The following PPP2R5E variants were observed in gnomAD, a reference collection of about 807,000 sequenced individuals.
The protein encoded by PPP2R5E is protein phosphatase 2 regulatory subunit B'epsilon, also known as serine/threonine-protein phosphatase 2A 56 kDa regulatory subunit epsilon isoform.
A neutral mutation model predicts 65.3 loss-of-function variants in PPP2R5E; 4 were observed. The ratio of observed to expected loss-of-function variants is 0.06; its 90% CI spans 0.03 to 0.14. The LOEUF (loss-of-function observed/expected upper bound fraction) is 0.14, where lower values mean the gene tolerates loss of function less well. Ranked by LOEUF, PPP2R5E falls within the 10% of genes least tolerant of loss-of-function variation. PPP2R5E has a pLI of 1.00. For missense variants in PPP2R5E, 274 were observed against 556.1 expected (o/e 0.49, Z 5.10); for synonymous variants, 183 against 187.4 (o/e 0.98, Z 0.19).
At chr14:63,523,441 T>G (rs991687819) in intron 2 of PPP2R5E, among the ~76,000 whole-genome samples, 1 of 152,144 alleles carries the variant, frequency 6.6e-6, no homozygotes, top group African/African-American at 2.4e-5. Context: ...ACATGTGCTG[T>G]GTCCACTCAA....
At chr14:63,520,482 AT>A (rs1892856051) in intron 2 of PPP2R5E, among the ~76,000 whole-genome samples, 1 of 152,196 alleles carries the variant, frequency 6.6e-6, no homozygotes, top group Non-Finnish European at 1.5e-5. Flanking sequence ...GGTGATTAAT[AT>A]CTATCTCTCC....
intron 2 of PPP2R5E, among the ~76,000 whole-genome samples, chr14:63,489,577 T>C (rs1891186899): frequency 6.6e-6 from 1 of 151,890 alleles, no homozygotes; most frequent in Non-Finnish European, 1.5e-5. Context: ...GTCCAGCCAA[T>C]TTTTGTATTT....
At chr14:63,399,959 G>C (rs74060072) in intron 5 of PPP2R5E, among the ~76,000 whole-genome samples, 2 of 151,966 alleles carry the variant, frequency 1.3e-5, no homozygotes, top group Non-Finnish European at 2.9e-5. Flanking sequence ...GCTTTTGTTC[G>C]GTGTTTTAAT....
chr14:63,489,819 C>A (rs1891198639), intron 2 of PPP2R5E, among the ~76,000 whole-genome samples: 2 of 152,162 alleles, frequency 1.3e-5, no homozygotes, highest in Admixed American at 1.3e-4. Flanking sequence ...TTCCTTTTCT[C>A]TGAGTGATGC....
chr14:63,522,135 G>C (rs1046804781), intron 2 of PPP2R5E, among the ~76,000 whole-genome samples: 42 of 151,824 alleles, frequency 2.8e-4, no homozygotes, highest in African/African-American at 3.6e-4. Flanking sequence ...TGGTGGAGAC[G>C]GGGTTTCGCT....
At chr14:63,542,523 G>A (rs1893942204) in intron 1 of PPP2R5E, among the ~76,000 whole-genome samples, 1 of 152,156 alleles carries the variant, frequency 6.6e-6, no homozygotes. Flanking sequence ...GGATAAAGGG[G>A]GGCAAGAAAA....
At chr14:63,417,481 A>G (rs906273699) in intron 4 of PPP2R5E, among the ~76,000 whole-genome samples, 4 of 140,266 alleles carry the variant, frequency 2.9e-5, no homozygotes, top group African/African-American at 9.1e-5. Context: ...ATGATGTTTC[A>G]TGAGGAGGAA....
chr14:63,516,760 T>G (rs917566096), intron 2 of PPP2R5E, among the ~76,000 whole-genome samples: 1 of 152,188 alleles, frequency 6.6e-6, no homozygotes, highest in Non-Finnish European at 1.5e-5. Context: ...GTGAACACAA[T>G]GCTTTCACAT....
At chr14:63,428,825 T>C (rs1320560237) in intron 3 of PPP2R5E, among the ~76,000 whole-genome samples, 2 of 152,238 alleles carry the variant, frequency 1.3e-5, no homozygotes, top group East Asian at 1.9e-4. Flanking sequence ...TATTTCTAAA[T>C]AGTTATTTAA....
At position 63,372,244 on chromosome 14, in the gene PPP2R5E, C is replaced by T. The variant is rs1337084519; in HGVS notation, c.*3765G>A. The stretch of plus-strand genomic sequence containing the variant: ...CACAAATTAACATTCCGCTAGATCA[C>T]AATTTGCTCAACTTTCTCTCAAGAT... On this transcript the variant is annotated 3_prime_UTR_variant, in exon 14 of 14. Transcript: ENST00000337537. 1 of 152,126 alleles carries T rather than the reference C, an allele frequency of 6.6e-6. No homozygotes were observed. Among genetic ancestry groups the T allele is most frequent in the Admixed American group, 6.5e-5 (1 of 15,268 alleles). The allele number at this position is 152,126 out of a possible 1,614,324, so 9.4% of individuals were successfully genotyped here. A position where few individuals can be genotyped will look rare whatever the true frequency, so the allele number is the denominator to read the frequency against.
At chr14:63,396,801 C>G in intron 5 of PPP2R5E, 85 bp from the exon 6 acceptor site, 1 of 1,511,810 alleles carries the variant, frequency 6.6e-7, no homozygotes, top group South Asian at 1.2e-5. Flanking sequence ...TCCCCTTCTT[C>G]CTTCCTCAAA....
chr14:63,440,533 GCT>G (rs771246407), intron 3 of PPP2R5E, among the ~76,000 whole-genome samples: 1 of 152,020 alleles, frequency 6.6e-6, no homozygotes, highest in Non-Finnish European at 1.5e-5. Flanking sequence ...TTTTAGAAGA[GCT>G]CAAGAAACAA....
At position 63,381,397 on chromosome 14, in the gene PPP2R5E, G is replaced by C. The variant is rs1298684698; in HGVS notation, c.1304+659C>G. 3.3e-5 allele frequency among the ~76,000 whole-genome samples: 5 copies of C among 152,322 alleles called. 1 individual carries two copies. Among genetic ancestry groups the C allele is most frequent in the Non-Finnish European group, 7.4e-5 (5 of 68,026 alleles). On this transcript the variant is annotated intron_variant, in intron 13 of 13. Coordinates refer to ENST00000337537, the MANE Select transcript of PPP2R5E (RefSeq NM_006246.5). ...CAAGATCTGCCCAATTATACTTCAA[G>C]TAAGTTCAGAGTGGGAGTGAATCCC...
chr14:63,443,571 A>G (rs762770624), intron 3 of PPP2R5E, among the ~76,000 whole-genome samples: 2 of 152,108 alleles, frequency 1.3e-5, no homozygotes, highest in African/African-American at 2.4e-5. Flanking sequence ...CACTGAAACA[A>G]TGATTCACTG....
chr14:63,405,146 C>A (rs1885990715), intron 5 of PPP2R5E, among the ~76,000 whole-genome samples: 1 of 152,108 alleles, frequency 6.6e-6, no homozygotes, highest in African/African-American at 2.4e-5. Flanking sequence ...ATACACTGGA[C>A]AGGACAGGAT....
Position 63,379,441 on chromosome 14 carries a change from T to C in PPP2R5E, c.1304+2615A>G, listed in dbSNP as rs1049261459. On this transcript the variant is annotated intron_variant, in intron 13 of 13. Coordinates refer to ENST00000337537, the MANE Select transcript of PPP2R5E (RefSeq NM_006246.5). ...CATGTGCCTCCACGCCCGGCTAATTTTGTATTTTTTAGTAGAGATGGAGTT... is the reference window on the plus strand; with the variant it reads ...CATGTGCCTCCACGCCCGGCTAATTCTGTATTTTTTAGTAGAGATGGAGTT... Among the ~76,000 whole-genome samples, 5 of 152,300 alleles carry C rather than the reference T, an allele frequency of 3.3e-5. No individual in the cohort carries two copies. In the South Asian group the frequency reaches 1.0e-3, roughly 32 times the overall value.
intron 2 of PPP2R5E, among the ~76,000 whole-genome samples, chr14:63,484,347 TCACA>T (rs199749451): frequency 0.024 from 3,372 of 139,638 alleles, 26 homozygotes; most frequent in African/African-American, 0.028. Flanking sequence ...TCTCTCTCTC[TCACA>T]CACACACACA....
chr14:63,531,080 A>G (rs190317456), intron 2 of PPP2R5E, among the ~76,000 whole-genome samples: 4 of 152,352 alleles, frequency 2.6e-5, no homozygotes, highest in Admixed American at 1.3e-4. Context: ...ATACAGGAGA[A>G]TTTCCTGAAC....
At chr14:63,539,253 C>G (rs1893790869) in intron 2 of PPP2R5E, among the ~76,000 whole-genome samples, 1 of 152,080 alleles carries the variant, frequency 6.6e-6, no homozygotes, top group South Asian at 2.1e-4. Flanking sequence ...AACACAAACC[C>G]AGACATCTTA....
Sources: allele counts gnomAD v4.1 joint callset (sites outside exome capture counted in the v4.1 genomes callset), GRCh38; gene constraint gnomAD v4.1.1; transcripts MANE v1.5; gene names NCBI Gene and HGNC (gene_info 2026-07-23, HGNC 2026-07-21).